PHF3: variants seen among roughly 807,000 people sequenced by gnomAD.
PHF3 encodes PHD finger protein 3.
A neutral mutation model predicts 178.4 loss-of-function variants in PHF3; 41 were observed. That is an observed-to-expected ratio of 0.23 (90% CI 0.18 to 0.30). The LOEUF is 0.30. PHF3 is among the 10% of genes least tolerant of loss of function. PHF3 has a pLI of 1.00. For synonymous variants in PHF3, 842 were observed against 800.5 expected, an observed-to-expected ratio of 1.05 and a Z score of -0.88; for missense variants, 2,346 against 2,398.1, an observed-to-expected ratio of 0.98 and a Z score of 0.45.
intron 1 of PHF3, among the ~76,000 whole-genome samples, chr6:63,639,070 T>A (rs186156879): frequency 1.3e-5 from 2 of 152,188 alleles, no homozygotes; most frequent in African/African-American, 4.8e-5. Flanking sequence ...GAGGAATTGC[T>A]ATATGTGTGG....
intron 2 of PHF3, among the ~76,000 whole-genome samples, chr6:63,651,455 G>A (rs536951444): frequency 1.4e-4 from 21 of 152,096 alleles, no homozygotes; most frequent in Admixed American, 3.3e-4. Flanking sequence ...TCCACCTCCC[G>A]GGTTCAAGTG....
In PHF3 at chr6:63,724,788, G is replaced by T. The variant is rs1768548738; in HGVS notation, c.*11080G>T. On this transcript the variant is annotated 3_prime_UTR_variant, in exon 16 of 16. Coordinates refer to ENST00000262043, the MANE Select transcript of PHF3 (RefSeq NM_001370348.2). ...AGAAACCATGTTAATTTAGAATTTG[G>T]TTTTCAATATGTGAAAACCACATTG... Among the ~76,000 whole-genome samples the T allele has an allele frequency of 6.6e-6, 1 of 151,940 alleles. No individual in the cohort carries two copies. The highest frequency in any genetic ancestry group is 1.5e-5 in the Non-Finnish European group (1 of 67,944).
intron 2 of PHF3, among the ~76,000 whole-genome samples, chr6:63,661,788 A>G (rs1165143381): frequency 2.0e-5 from 3 of 152,186 alleles, no homozygotes; most frequent in Non-Finnish European, 4.4e-5. Context: ...CTTTTGCCCT[A>G]TACATAAGTT....
intron 1 of PHF3, among the ~76,000 whole-genome samples, chr6:63,638,460 A>T (rs989006122): frequency 1.3e-5 from 2 of 152,122 alleles, no homozygotes; most frequent in Non-Finnish European, 2.9e-5. Flanking sequence ...CTTAAGATCC[A>T]TTTAAATTTC....
chr6:63,648,245 T>C (rs1764873230), intron 2 of PHF3, among the ~76,000 whole-genome samples: 1 of 152,234 alleles, frequency 6.6e-6, no homozygotes, highest in Non-Finnish European at 1.5e-5. Context: ...TTTTGTTTTA[T>C]GTATGCATTG....
At chr6:63,663,733 C>T (rs977253716) in intron 2 of PHF3, among the ~76,000 whole-genome samples, 2 of 152,066 alleles carry the variant, frequency 1.3e-5, no homozygotes, top group African/African-American at 4.8e-5. Context: ...TGCAGTAGCT[C>T]AGAAGGAAGT....
At chr6:63,649,305 ATAAAT>A (rs1764924759) in intron 2 of PHF3, among the ~76,000 whole-genome samples, 1 of 152,170 alleles carries the variant, frequency 6.6e-6, no homozygotes, top group Non-Finnish European at 1.5e-5. Flanking sequence ...TCAGCTATTT[ATAAAT>A]AACTTCAGCT....
chr6:63,712,930 C>T lies in PHF3; in HGVS notation c.5342C>T (p.Thr1781Ile), dbSNP rs1455723512. 2 of 1,613,886 alleles carry T rather than the reference C, an allele frequency of 1.2e-6. No homozygotes were observed. Among genetic ancestry groups the T allele is most frequent in the African/African-American group, 1.3e-5 (1 of 74,880 alleles). Residue 1781 changes from threonine to isoleucine, a missense_variant, in exon 16 of 16, where the codon ACC becomes ATC. By Grantham distance (89) the Thr-to-Ile change is moderately conservative. Coordinates refer to ENST00000262043, the MANE Select transcript of PHF3 (RefSeq NM_001370348.2). ...CPSEFPSKSITFTSRSTSPRT... is the reference protein window; with the variant it reads ...CPSEFPSKSIIFTSRSTSPRT... ...TCAGAATTTCCTTCTAAAAGCATCACCTTTACTTCCAGAAGCACCAGCCCC... is the reference window on the plus strand; with the variant it reads ...TCAGAATTTCCTTCTAAAAGCATCATCTTTACTTCCAGAAGCACCAGCCCC...
At chr6:63,694,014 A>G (rs1382505896) in intron 5 of PHF3, among the ~76,000 whole-genome samples, 1 of 152,194 alleles carries the variant, frequency 6.6e-6, no homozygotes, top group East Asian at 1.9e-4. Flanking sequence ...ATTGTACCCT[A>G]TTTTAAAACC....
At position 63,691,877 on chromosome 6, in the gene PHF3, C is replaced by T; in HGVS notation, c.2330C>T (p.Thr777Ile). The stretch of plus-strand genomic sequence containing the variant: ...TGTTGTGCTGAAGAAGACAAAAAGA[C>T]TGAAATACTAGATCCAGATACTTTG... ...VKCCAEEDKK[T>I]EILDPDTLEN... Residue 777 changes from threonine to isoleucine, a missense_variant, in exon 5 of 16, where the codon ACT becomes ATT. Transcript: ENST00000262043. The T allele has an allele frequency of 6.2e-7, 1 of 1,613,516 alleles. No individual in the cohort carries two copies. The highest frequency in any genetic ancestry group is 8.5e-7 in the Non-Finnish European group (1 of 1,179,846).
chr6:63,657,583 G>GTCTTCA (rs570953483), intron 2 of PHF3, among the ~76,000 whole-genome samples: 36 of 152,226 alleles, frequency 2.4e-4, no homozygotes, highest in Middle Eastern at 6.8e-3. Flanking sequence ...CATTAAAAAA[G>GTCTTCA]TCTTCATCTT....
intron 11 of PHF3, among the ~76,000 whole-genome samples, chr6:63,704,075 A>G (rs1169241519): frequency 2.0e-5 from 3 of 152,210 alleles, no homozygotes; most frequent in African/African-American, 7.2e-5. Context: ...TTTTTTGTAA[A>G]AAAGCTTTTT....
At chr6:63,673,758 GTC>G (rs1228097673) in intron 2 of PHF3, among the ~76,000 whole-genome samples, 1 of 152,192 alleles carries the variant, frequency 6.6e-6, no homozygotes, top group Non-Finnish European at 1.5e-5. Context: ...ACAACTGAAA[GTC>G]TAACCTACCA....
intron 4 of PHF3, chr6:63,686,380 A>G (rs115888988): frequency 9.5e-4 from 146 of 153,130 alleles, no homozygotes; most frequent in African/African-American, 3.3e-3. Context: ...ATTAAAGAAC[A>G]CCATTTCATA....
At chr6:63,651,055 T>G (rs1764998862) in intron 2 of PHF3, among the ~76,000 whole-genome samples, 1 of 152,222 alleles carries the variant, frequency 6.6e-6, no homozygotes, top group South Asian at 2.1e-4. Flanking sequence ...CTTCTGTGCT[T>G]CAATGAACCT....
chr6:63,700,515 C>A, intron 9 of PHF3, 49 bp downstream of exon 9: 1 of 1,018,724 alleles, frequency 9.8e-7, no homozygotes, highest in Non-Finnish European at 1.5e-6. Flanking sequence ...CTATGTTTTT[C>A]AGCCATTGGG....
chr6:63,702,270 G>A (rs1203967805), intron 9 of PHF3: 2 of 225,888 alleles, frequency 8.9e-6, no homozygotes, highest in Non-Finnish European at 1.7e-5. Context: ...TGATATAAAT[G>A]TACATGTGAA....
rs201250434 is a variant in PHF3, at chr6:63,641,528, A to ATGTGTG, written c.-25-4963_-25-4958dup. ...TTTAGTGATTTATTGTTAGGTGTGT[A>ATGTGTG]TGTGTGTGTGTGTGTGTGTGTGTGT... is the stretch of plus-strand genomic sequence containing the variant. On this transcript the variant is annotated intron_variant, in intron 1 of 15. Transcript: ENST00000262043. Among the ~76,000 whole-genome samples, 259 of 140,670 alleles carry ATGTGTG rather than the reference A, an allele frequency of 1.8e-3. 2 individuals are homozygous for ATGTGTG. The highest frequency in any genetic ancestry group is 3.8e-3 in the African/African-American group (146 of 38,478). The allele number at this position is 140,670 out of a possible 152,430, so 92.3% of individuals were successfully genotyped here.
At chr6:63,642,464 A>T (rs1356518056) in intron 1 of PHF3, among the ~76,000 whole-genome samples, 2 of 152,216 alleles carry the variant, frequency 1.3e-5, no homozygotes, top group Non-Finnish European at 2.9e-5. Context: ...TTTGTAGTAG[A>T]TGCTTAACAC....
Sources: gnomAD v4.1 joint callset for allele counts (sites outside exome capture counted in the v4.1 genomes callset) on GRCh38, gnomAD v4.1.1 for gene constraint, MANE v1.5 for transcripts, NCBI Gene and HGNC (gene_info 2026-07-23, HGNC 2026-07-21) for gene names.